LHPP: variants seen among roughly 807,000 people sequenced by gnomAD.
LHPP encodes hLHPP.
LHPP carries 24 observed loss-of-function variants against 30.3 expected under a neutral mutation model. The observed-to-expected ratio is 0.79, with a 90% CI of 0.57 to 1.11. The LOEUF (loss-of-function observed/expected upper bound fraction) is 1.11. LHPP is among the 50% of genes most tolerant of loss of function. The pLI is 0.00. For missense variants in LHPP, 356 were observed against 367.2 expected (o/e 0.97, Z 0.25); for synonymous variants, 150 against 157.1 (o/e 0.95, Z 0.34).
At chr10:124,528,190 A>G (rs1265240265) in intron 6 of LHPP, among the ~76,000 whole-genome samples, 1 of 152,126 alleles carries the variant, frequency 6.6e-6, no homozygotes, top group Admixed American at 6.5e-5. Flanking sequence ...TGGCTCCCGT[A>G]TGGCATATTT....
At chr10:124,532,928 A>G (rs1954934218) in intron 6 of LHPP, among the ~76,000 whole-genome samples, 1 of 152,198 alleles carries the variant, frequency 6.6e-6, no homozygotes, top group Non-Finnish European at 1.5e-5. Context: ...TGTACTTTGG[A>G]AATGAGAAGA....
chr10:124,484,359 G>C lies in LHPP; in HGVS notation c.313+33G>C, dbSNP rs751039640. On this transcript the variant is annotated intron_variant, in intron 2 of 6. Coordinates refer to ENST00000368842, the MANE Select transcript of LHPP (RefSeq NM_022126.4). ...TGTCGGACACCAGGACCTCACGGGG[G>C]TGAAAGCTCCCCTTTCCCAGGGTGG... is the stretch of plus-strand genomic sequence containing the variant. 12 of 1,589,634 alleles carry C rather than the reference G, an allele frequency of 7.5e-6. No homozygotes were observed. The Admixed American group carries it at 1.9e-4, about 25-fold the overall frequency.
intron 6 of LHPP, among the ~76,000 whole-genome samples, chr10:124,612,274 C>T (rs375319408): frequency 5.3e-4 from 80 of 152,214 alleles, no homozygotes; most frequent in African/African-American, 1.9e-3. Flanking sequence ...GGCGTGGTGG[C>T]GGGTGCCTGT....
At chr10:124,472,787 A>G (rs1564769768) in intron 1 of LHPP, among the ~76,000 whole-genome samples, 1 of 151,978 alleles carries the variant, frequency 6.6e-6, no homozygotes, top group African/African-American at 2.4e-5. Context: ...TGAACTCCTG[A>G]CCTCAGGTGA....
chr10:124,462,044 C>T (rs865968329), intron 1 of LHPP, 57 bp downstream of exon 1: 10 of 1,187,432 alleles, frequency 8.4e-6, no homozygotes, highest in African/African-American at 1.6e-5. Context: ...AGCCCGCTCC[C>T]TGGCTGCCGG....
At chr10:124,542,485 TG>T (rs1167101045) in intron 6 of LHPP, among the ~76,000 whole-genome samples, 1 of 152,158 alleles carries the variant, frequency 6.6e-6, no homozygotes, top group African/African-American at 2.4e-5. Flanking sequence ...AGGGTCTCCC[TG>T]GGACTGGAGA....
intron 6 of LHPP, among the ~76,000 whole-genome samples, chr10:124,586,800 C>T (rs892150496): frequency 3.9e-5 from 6 of 152,294 alleles, no homozygotes; most frequent in African/African-American, 1.2e-4. Flanking sequence ...AAGCTTTGCT[C>T]ATTTAAACAG....
intron 6 of LHPP, among the ~76,000 whole-genome samples, chr10:124,568,739 C>T (rs1477494746): frequency 6.6e-6 from 1 of 152,152 alleles, no homozygotes; most frequent in East Asian, 1.9e-4. Context: ...GACTGTTGTC[C>T]CCAGGGCAGT....
At chr10:124,602,338 C>G (rs1192130018) in intron 6 of LHPP, among the ~76,000 whole-genome samples, 2 of 152,258 alleles carry the variant, frequency 1.3e-5, no homozygotes. Flanking sequence ...AGAGACGCCA[C>G]CCACAGCTGG....
At chr10:124,586,940 T>C (rs1327809819) in intron 6 of LHPP, among the ~76,000 whole-genome samples, 1 of 151,946 alleles carries the variant, frequency 6.6e-6, no homozygotes, top group East Asian at 1.9e-4. Flanking sequence ...TTTTTTTAAC[T>C]GAGATGAACT....
At chr10:124,506,164 G>T (rs925192874) in intron 5 of LHPP, among the ~76,000 whole-genome samples, 3 of 151,994 alleles carry the variant, frequency 2.0e-5, no homozygotes, top group Non-Finnish European at 4.4e-5. Context: ...CACGAGATTC[G>T]CTTGAATCTG....
chr10:124,467,323 G>A (rs1952579794), intron 1 of LHPP, among the ~76,000 whole-genome samples: 1 of 150,412 alleles, frequency 6.6e-6, no homozygotes, highest in African/African-American at 2.5e-5. Context: ...GTATTGTGGG[G>A]GTCAGGGAGA....
At chr10:124,608,906 G>A (rs1949129701) in intron 6 of LHPP, among the ~76,000 whole-genome samples, 1 of 152,216 alleles carries the variant, frequency 6.6e-6, no homozygotes, top group Admixed American at 6.5e-5. Context: ...CTGGAGCCAG[G>A]TGTGGCTGGC....
rs569453134 is a variant in LHPP at position 124,466,594 on chromosome 10, T to C, written c.125+4607T>C. 3.3e-5 allele frequency among the ~76,000 whole-genome samples: 5 copies of C among 152,086 alleles called. No homozygotes were observed. The East Asian group carries it at 7.8e-4, about 24-fold the overall frequency. ...GCCTCAGCCTCCCGAGTAGCTGAGA[T>C]TACAGGCACCTGCCACCATGCCTGG... On this transcript the variant is annotated intron_variant, in intron 1 of 6. Coordinates refer to ENST00000368842, the MANE Select transcript of LHPP (RefSeq NM_022126.4).
At chr10:124,488,249 G>A (rs1237481405) in intron 2 of LHPP, among the ~76,000 whole-genome samples, 173 bp from the exon 3 acceptor site, 1 of 152,134 alleles carries the variant, frequency 6.6e-6, no homozygotes, top group Non-Finnish European at 1.5e-5. Flanking sequence ...TCCCTCCTCT[G>A]TCAAATAGGA....
intron 6 of LHPP, among the ~76,000 whole-genome samples, chr10:124,587,811 C>G (rs1016355259): frequency 1.4e-5 from 2 of 147,482 alleles, no homozygotes; most frequent in Admixed American, 6.7e-5. Flanking sequence ...CTAAGAAATG[C>G]TTGCTGGGCT....
intron 5 of LHPP, among the ~76,000 whole-genome samples, chr10:124,499,497 C>CA (rs57108548): frequency 0.1 from 15,359 of 151,422 alleles, 1,389 homozygotes; most frequent in African/African-American, 0.23. Context: ...TACAGAAAAA[C>CA]AAAAAAAATT....
chr10:124,498,581 G>A (rs988584290), intron 5 of LHPP: 22 of 1,038,936 alleles, frequency 2.1e-5, no homozygotes, highest in Non-Finnish European at 2.8e-5. Context: ...AAAAGAATCG[G>A]TTATGATTTT....
intron 6 of LHPP, among the ~76,000 whole-genome samples, chr10:124,601,623 C>T (rs1440890721): frequency 1.3e-5 from 2 of 152,362 alleles, no homozygotes; most frequent in African/African-American, 2.4e-5. Context: ...CAGTGAGAAC[C>T]GCGCAGGAAA....
Sources: gnomAD v4.1 joint callset for allele counts (sites outside exome capture counted in the v4.1 genomes callset) on GRCh38, gnomAD v4.1.1 for gene constraint, MANE v1.5 for transcripts, NCBI Gene and HGNC (gene_info 2026-07-23, HGNC 2026-07-21) for gene names.